Variants in IFT56 observed in about 807,000 individuals in gnomAD.
The protein encoded by IFT56 is intraflagellar transport 56.
chr7:139,152,762 C>G, the IFT56 span, among the ~76,000 whole-genome samples: 1 of 152,104 alleles, frequency 6.6e-6, no homozygotes. Flanking sequence ...TCATACAATT[C>G]ACCCTTTTAA....
At chr7:139,166,833 A>G in the IFT56 span, 1 of 1,554,916 alleles carries the variant, frequency 6.4e-7, no homozygotes, top group Non-Finnish European at 8.9e-7. Context: ...ACTTTGTTGT[A>G]TTTCAGATGA....
the IFT56 span, among the ~76,000 whole-genome samples, chr7:139,155,314 A>G: frequency 6.6e-6 from 1 of 152,214 alleles, no homozygotes; most frequent in Non-Finnish European, 1.5e-5. Flanking sequence ...TTTCTTGTCT[A>G]ACTGCCCTGG....
the IFT56 span, among the ~76,000 whole-genome samples, chr7:139,150,035 A>G: frequency 6.6e-6 from 1 of 152,214 alleles, no homozygotes; most frequent in African/African-American, 2.4e-5. Context: ...TTGATGTCAG[A>G]AGCCACCAAA....
At chr7:139,135,469 A>G in the IFT56 span, among the ~76,000 whole-genome samples, 1 of 152,150 alleles carries the variant, frequency 6.6e-6, no homozygotes, top group African/African-American at 2.4e-5. Context: ...TAAAATTTTG[A>G]TCAAACTTAA....
chr7:139,160,945 C>T, the IFT56 span: 5 of 1,612,116 alleles, frequency 3.1e-6, no homozygotes, highest in Admixed American at 8.4e-5. Flanking sequence ...CTTTAAATTT[C>T]AGGCAGAACT....
At chr7:139,179,003 A>T in the IFT56 span, among the ~76,000 whole-genome samples, 2 of 152,268 alleles carry the variant, frequency 1.3e-5, no homozygotes, top group Non-Finnish European at 2.9e-5. Flanking sequence ...ACAGAAAAGT[A>T]TACATATCAT....
chr7:139,149,884 A>G, the IFT56 span, among the ~76,000 whole-genome samples: 3,421 of 152,198 alleles, frequency 0.022, 95 homozygotes, highest in African/African-American at 0.076. Context: ...ATTTTATTTA[A>G]CACATACACA....
the IFT56 span, among the ~76,000 whole-genome samples, chr7:139,186,611 A>G: frequency 6.6e-6 from 1 of 152,184 alleles, no homozygotes; most frequent in Non-Finnish European, 1.5e-5. Flanking sequence ...TATACATCTA[A>G]GCATTCTGAG....
At chr7:139,175,874 G>A in the IFT56 span, among the ~76,000 whole-genome samples, 1 of 152,092 alleles carries the variant, frequency 6.6e-6, no homozygotes, top group African/African-American at 2.4e-5. Context: ...CTGTTGCCCA[G>A]GCTGGAATGC....
the IFT56 span, among the ~76,000 whole-genome samples, chr7:139,159,957 G>A: frequency 2.0e-5 from 3 of 151,962 alleles, no homozygotes. Flanking sequence ...TTTCTGATAC[G>A]ATAAGTATTG....
At chr7:139,162,564 T>C in the IFT56 span, among the ~76,000 whole-genome samples, 1 of 152,214 alleles carries the variant, frequency 6.6e-6, no homozygotes, top group African/African-American at 2.4e-5. Flanking sequence ...AAGTTAGATT[T>C]GAGGTCAAAA....
At chr7:139,142,362 C>T in the IFT56 span, 8 of 1,418,210 alleles carry the variant, frequency 5.6e-6, no homozygotes, top group Non-Finnish European at 7.9e-6. Flanking sequence ...ATTTTTCTTC[C>T]TTCTTGTTAC....
the IFT56 span, among the ~76,000 whole-genome samples, chr7:139,142,768 G>A: frequency 1.3e-5 from 2 of 152,080 alleles, no homozygotes; most frequent in Non-Finnish European, 1.5e-5. Flanking sequence ...GGAGGCGGGG[G>A]TTGCAGTGAG....
At chr7:139,148,894 C>G in the IFT56 span, among the ~76,000 whole-genome samples, 3 of 151,832 alleles carry the variant, frequency 2.0e-5, no homozygotes, top group African/African-American at 7.3e-5. Context: ...GAGCGAGACT[C>G]TGTCTCAAAA....
the IFT56 span, among the ~76,000 whole-genome samples, chr7:139,158,480 C>G: frequency 6.6e-6 from 1 of 152,034 alleles, no homozygotes; most frequent in Non-Finnish European, 1.5e-5. Flanking sequence ...TAAGGAACTT[C>G]CCTTGTAGTG....
the IFT56 span, chr7:139,190,706 C>G: frequency 6.6e-6 from 1 of 152,210 alleles, no homozygotes; most frequent in African/African-American, 2.4e-5. Context: ...GGCTTCTGAG[C>G]TCTTATAACA....
At chr7:139,191,870 CTA>C in the IFT56 span, 1 of 152,098 alleles carries the variant, frequency 6.6e-6, no homozygotes, top group African/African-American at 2.4e-5. Context: ...TATTTATAGT[CTA>C]TAGCATACAT....
the IFT56 span, among the ~76,000 whole-genome samples, chr7:139,187,097 T>C: frequency 1.0e-5 from 1 of 96,586 alleles, no homozygotes; most frequent in Admixed American, 1.3e-4. Flanking sequence ...CGAGACTCCG[T>C]CTCAAAAAAA....
the IFT56 span, chr7:139,142,251 T>C: frequency 6.2e-7 from 1 of 1,614,180 alleles, no homozygotes; most frequent in Non-Finnish European, 8.5e-7. Context: ...GGATTTTTTT[T>C]TCAGCTTCAA....
Sources: gnomAD v4.1 joint callset for allele counts (sites outside exome capture counted in the v4.1 genomes callset) on GRCh38, gnomAD v4.1.1 for gene constraint, MANE v1.5 for transcripts, NCBI Gene and HGNC (gene_info 2026-07-23, HGNC 2026-07-21) for gene names.